KCNQ1: variants seen among roughly 807,000 people sequenced by gnomAD.
The protein encoded by KCNQ1 is potassium voltage-gated channel subfamily KQT member 1.
In KCNQ1, 49 loss-of-function variants were observed where a neutral mutation model predicts 72.4. That is an observed-to-expected ratio of 0.68 (90% CI 0.54 to 0.86). The LOEUF (loss-of-function observed/expected upper bound fraction) is 0.86, where lower values mean the gene tolerates loss of function less well. KCNQ1 is among the 40% of genes least tolerant of loss of function. KCNQ1 has a pLI of 0.00. For synonymous variants in KCNQ1, 450 were observed against 412.6 expected (o/e 1.09, Z -1.10); for missense variants, 790 against 945.1 (o/e 0.84, Z 2.15).
chr11:2,537,000 A>G lies in KCNQ1; in HGVS notation c.477+8982A>G, dbSNP rs1236181452. 6.6e-6 allele frequency among the ~76,000 whole-genome samples: 1 copy of G among 151,890 alleles called. No individual in the cohort carries two copies. The highest frequency in any genetic ancestry group is 1.9e-4 in the East Asian group (1 of 5,182). ...TGGAGCCAAATTTCTCCTCTATGTA[A>G]GGACACCAGTCTTACTGGATTGGAG... On this transcript the variant is annotated intron_variant, in intron 2 of 15. Coordinates refer to ENST00000155840, the MANE Select transcript of KCNQ1 (RefSeq NM_000218.3). This position sits in a 1 kb window ranked among gnomAD's most constrained non-coding sequence, Gnocchi z 7.4.
At chr11:2,504,879 A>G (rs1847077765) in intron 1 of KCNQ1, among the ~76,000 whole-genome samples, 1 of 152,184 alleles carries the variant, frequency 6.6e-6, no homozygotes, top group African/African-American at 2.4e-5. Context: ...ATGTTAGAAT[A>G]TCTCATGGAC....
Position 2,657,421 on chromosome 11 carries a change from A to G in KCNQ1, c.1394-4540A>G, listed in dbSNP as rs757094441. 9.8e-5 allele frequency: 39 copies of G among 398,420 alleles called. No homozygotes were observed. The highest frequency in any genetic ancestry group is 1.5e-4 in the Non-Finnish European group (34 of 226,046). 24.7% of individuals were successfully genotyped at this position (398,420 alleles called of 1,614,324 possible). A position where few individuals can be genotyped will look rare whatever the true frequency, so the allele number is the denominator to read the frequency against. ...ACAATTTTCTCCAGAGTTCTTGCAT[A>G]TACTTAGTTAGATAATTAATATTCT... On this transcript the variant is annotated intron_variant, in intron 10 of 15. Coordinates refer to ENST00000155840, the MANE Select transcript of KCNQ1 (RefSeq NM_000218.3). This position sits in a 1 kb window ranked among gnomAD's most constrained non-coding sequence, Gnocchi z 4.8.
At chr11:2,572,342 T>C (rs1275061714) in intron 5 of KCNQ1, among the ~76,000 whole-genome samples, 1 of 152,120 alleles carries the variant, frequency 6.6e-6, no homozygotes, top group Non-Finnish European at 1.5e-5. Context: ...AGGCTGATGG[T>C]GTGCTCACCT....
rs1848727285 is a variant in KCNQ1, at chr11:2,595,941, C to T, written c.1393+7087C>T. Among the ~76,000 whole-genome samples the T allele has an allele frequency of 6.6e-6, 1 of 152,018 alleles. No individual in the cohort carries two copies. Among genetic ancestry groups the T allele is most frequent in the South Asian group, 2.1e-4 (1 of 4,824 alleles). On this transcript the variant is annotated intron_variant, in intron 10 of 15. Coordinates refer to ENST00000155840, the MANE Select transcript of KCNQ1 (RefSeq NM_000218.3). The surrounding 1 kb of genome is among the most constrained non-coding windows in gnomAD (Gnocchi z 5.0). ...TCATGGAAGAACGTCAAAATATCAG[C>T]ATTAACAGGAATTGGGAAAAAGTTG...
At chr11:2,805,477 C>T (rs1847353011) in intron 15 of KCNQ1, among the ~76,000 whole-genome samples, 1 of 152,260 alleles carries the variant, frequency 6.6e-6, no homozygotes, top group Non-Finnish European at 1.5e-5. Context: ...CCTCACTGCA[C>T]TCATCCTGTA....
At position 2,567,852 on chromosome 11, in the gene KCNQ1, G is replaced by T. The variant is rs1003225009; in HGVS notation, c.478-2776G>T. Among the ~76,000 whole-genome samples the T allele has an allele frequency of 1.3e-5, 2 of 152,206 alleles. No homozygotes were observed. The highest frequency in any genetic ancestry group is 2.4e-5 in the African/African-American group (1 of 41,448). On this transcript the variant is annotated intron_variant, in intron 2 of 15. Coordinates refer to ENST00000155840, the MANE Select transcript of KCNQ1 (RefSeq NM_000218.3). The surrounding 1 kb of genome is among the most constrained non-coding windows in gnomAD (Gnocchi z 6.6). ...GGTCAAAATAACTTTAAAAAGACAC[G>T]CAGCTATCCACAGCAATCCTTAATA...
At chr11:2,697,809 G>A (rs927890268) in intron 11 of KCNQ1, 10 of 398,584 alleles carry the variant, frequency 2.5e-5, no homozygotes, top group African/African-American at 4.1e-5. Context: ...ATTCATAAGG[G>A]AAATTCTTTA....
chr11:2,680,839 G>T (rs1412133539), intron 11 of KCNQ1: 3 of 398,332 alleles, frequency 7.5e-6, no homozygotes, highest in Non-Finnish European at 1.3e-5. Flanking sequence ...TTTGGGATCG[G>T]CTCTTTTCAC....
chr11:2,719,869 C>T (rs1424866749), intron 11 of KCNQ1, among the ~76,000 whole-genome samples: 1 of 152,156 alleles, frequency 6.6e-6, no homozygotes, highest in African/African-American at 2.4e-5. Flanking sequence ...CCGAATAGTC[C>T]ATCATTTTCA....
At chr11:2,643,785 C>T (rs1271856975) in intron 10 of KCNQ1, 2 of 398,448 alleles carry the variant, frequency 5.0e-6, no homozygotes, top group African/African-American at 2.1e-5. Flanking sequence ...AGTGTAGTGG[C>T]AATTAATTCC....
chr11:2,522,856 G>C (rs115746447), intron 1 of KCNQ1, among the ~76,000 whole-genome samples: 3,471 of 152,320 alleles, frequency 0.023, 114 homozygotes, highest in African/African-American at 0.072. Flanking sequence ...CCTCTGCCCA[G>C]GTAGTTGGGG....
chr11:2,481,219 T>A lies in KCNQ1; in HGVS notation c.386+35735T>A, dbSNP rs1846645600. On this transcript the variant is annotated intron_variant, in intron 1 of 15. Transcript: ENST00000155840. The surrounding 1 kb of genome is among the most constrained non-coding windows in gnomAD (Gnocchi z 4.6). ...AGAAAATGCTTTTAGTAGATCAGTT[T>A]TTCTGATTGTAAAGTTCAGAAATGT... is the stretch of plus-strand genomic sequence containing the variant. Among the ~76,000 whole-genome samples, 1 of 152,232 alleles carries A rather than the reference T, an allele frequency of 6.6e-6. No individual in the cohort carries two copies. Among genetic ancestry groups the A allele is most frequent in the Non-Finnish European group, 1.5e-5 (1 of 68,046 alleles).
chr11:2,661,420 G>C lies in KCNQ1; in HGVS notation c.1394-541G>C. 1 of 422,034 alleles carries C rather than the reference G, an allele frequency of 2.4e-6. No individual in the cohort carries two copies. The highest frequency in any genetic ancestry group is 3.9e-5 in the Admixed American group (1 of 25,716). 26.1% of individuals were successfully genotyped at this position (422,034 alleles called of 1,614,324 possible). A position where few individuals can be genotyped will look rare whatever the true frequency, so the allele number is the denominator to read the frequency against. ...GGAGGGACTCCTGTGCCTCATTGGG[G>C]GTACAACTGGTTGATGTAGCATCGT... On this transcript the variant is annotated intron_variant, in intron 10 of 15. Transcript: ENST00000155840. The surrounding 1 kb of genome is among the most constrained non-coding windows in gnomAD (Gnocchi z 5.9).
rs1846611441 is a variant in KCNQ1, at chr11:2,478,789, G to A, written c.386+33305G>A. ...TGCCCCAAAGTCTTAACTCATTTCAGCATTAACTCAAAAATCTGCAGTCCA... is the reference window on the plus strand; with the variant it reads ...TGCCCCAAAGTCTTAACTCATTTCAACATTAACTCAAAAATCTGCAGTCCA... On this transcript the variant is annotated intron_variant, in intron 1 of 15. Coordinates refer to ENST00000155840, the MANE Select transcript of KCNQ1 (RefSeq NM_000218.3). The surrounding 1 kb of genome is among the most constrained non-coding windows in gnomAD (Gnocchi z 4.0). Among the ~76,000 whole-genome samples the A allele has an allele frequency of 6.6e-6, 1 of 152,124 alleles. No individual in the cohort carries two copies. Among genetic ancestry groups the A allele is most frequent in the South Asian group, 2.1e-4 (1 of 4,828 alleles).
In KCNQ1 at chr11:2,593,140, G is replaced by T. The variant is rs1848691720; in HGVS notation, c.1393+4286G>T. ...AAGCTGGTACCATGCCTAACCCATG[G>T]TGGGTACACGATAAAAATGCAGGGC... On this transcript the variant is annotated intron_variant, in intron 10 of 15. Coordinates refer to ENST00000155840, the MANE Select transcript of KCNQ1 (RefSeq NM_000218.3). This position sits in a 1 kb window ranked among gnomAD's most constrained non-coding sequence, Gnocchi z 6.9. Among the ~76,000 whole-genome samples, 1 of 152,178 alleles carries T rather than the reference G, an allele frequency of 6.6e-6. No individual in the cohort carries two copies. The highest frequency in any genetic ancestry group is 6.5e-5 in the Admixed American group (1 of 15,278).
At position 2,508,408 on chromosome 11, in the gene KCNQ1, A is replaced by G. The variant is rs1486827271; in HGVS notation, c.387-19520A>G. On this transcript the variant is annotated intron_variant, in intron 1 of 15. Transcript: ENST00000155840. This position sits in a 1 kb window ranked among gnomAD's most constrained non-coding sequence, Gnocchi z 6.2. Reference sequence around the variant, plus strand: ...GCACTGTCCAGACAGTGCCCTGGACACTGCACCTCAGGTCAGGACACAGCT... The same window carrying G: ...GCACTGTCCAGACAGTGCCCTGGACGCTGCACCTCAGGTCAGGACACAGCT... Among the ~76,000 whole-genome samples, 4 of 152,172 alleles carry G rather than the reference A, an allele frequency of 2.6e-5. No individual in the cohort carries two copies. Among genetic ancestry groups the G allele is most frequent in the South Asian group, 2.1e-4 (1 of 4,834 alleles).
At chr11:2,474,204 A>G (rs1438996964) in intron 1 of KCNQ1, among the ~76,000 whole-genome samples, 1 of 152,154 alleles carries the variant, frequency 6.6e-6, no homozygotes, top group East Asian at 1.9e-4. Flanking sequence ...GGGGGTAGTC[A>G]GGGTCTCAGG....
Position 2,598,785 on chromosome 11 carries a change from C to T in KCNQ1, c.1393+9931C>T, listed in dbSNP as rs1344002152. 1.3e-5 allele frequency among the ~76,000 whole-genome samples: 2 copies of T among 152,054 alleles called. No individual in the cohort carries two copies. Among genetic ancestry groups the T allele is most frequent in the African/African-American group, 4.8e-5 (2 of 41,368 alleles). On this transcript the variant is annotated intron_variant, in intron 10 of 15. Coordinates refer to ENST00000155840, the MANE Select transcript of KCNQ1 (RefSeq NM_000218.3). This position sits in a 1 kb window ranked among gnomAD's most constrained non-coding sequence, Gnocchi z 6.2. ...CAGCTCTGCCATTTTCTTATGTGGC[C>T]CTAAGCAAGCTACTGCATTCTCTGT...
rs908827926 is a variant in KCNQ1 at position 2,830,455 on chromosome 11, G to A, written c.1795-17312G>A. ...TTAAAGGACCTAGGTCCTCCCAATGGCCTGCAAACCACACCCAGTCTAGTC... is the reference window on the plus strand; with the variant it reads ...TTAAAGGACCTAGGTCCTCCCAATGACCTGCAAACCACACCCAGTCTAGTC... On this transcript the variant is annotated intron_variant, in intron 15 of 15. Coordinates refer to ENST00000155840, the MANE Select transcript of KCNQ1 (RefSeq NM_000218.3). The surrounding 1 kb of genome is among the most constrained non-coding windows in gnomAD (Gnocchi z 7.7). Among the ~76,000 whole-genome samples, 5 of 152,096 alleles carry A rather than the reference G, an allele frequency of 3.3e-5. No homozygotes were observed. The highest frequency in any genetic ancestry group is 1.2e-4 in the African/African-American group (5 of 41,412).
Sources: gnomAD v4.1 joint callset for allele counts (sites outside exome capture counted in the v4.1 genomes callset) on GRCh38, gnomAD v4.1.1 for gene constraint, Gnocchi (gnomAD v3.1) non-coding constraint, MANE v1.5 for transcripts, NCBI Gene and HGNC (gene_info 2026-07-23, HGNC 2026-07-21) for gene names.